The following KNDC1 variants were observed in gnomAD, a reference collection of about 807,000 sequenced individuals.
KNDC1 encodes the protein kinase non-catalytic C-lobe domain containing 1, also known as kinase non-catalytic C-lobe domain-containing protein 1.
Under a neutral mutation model 172.8 loss-of-function variants are expected in KNDC1, and 106 were observed. The observed-to-expected ratio is 0.61, with a 90% CI of 0.52 to 0.72. The LOEUF (loss-of-function observed/expected upper bound fraction) is 0.72. Ranked by LOEUF, KNDC1 falls within the 30% of genes least tolerant of loss-of-function variation. KNDC1 has a pLI of 0.00. For synonymous variants in KNDC1, 1,083 were observed against 1,062.2 expected, an observed-to-expected ratio of 1.02 and a Z score of -0.38; for missense variants, 2,325 against 2,394.5, an observed-to-expected ratio of 0.97 and a Z score of 0.61.
chr10:133,195,695 G>A lies in KNDC1; in HGVS notation c.1608G>A (p.Trp536Ter), dbSNP rs1308491472. The A allele has an allele frequency of 6.2e-7, 1 of 1,612,552 alleles. No homozygotes were observed. The highest frequency in any genetic ancestry group is 8.5e-7 in the Non-Finnish European group (1 of 1,179,662). The change falls in exon 10 of 30, where the codon TGG becomes TGA. Residue 536 changes from tryptophan to a stop codon, truncating the protein, a stop_gained. Coordinates refer to ENST00000304613, the MANE Select transcript of KNDC1 (RefSeq NM_152643.8). LOFTEE classifies it high-confidence loss of function. ...TGTACTGTGTGGCCGCCGTTCTGTG[G>A]ACCGCAGCCAAGTTCAGCGTCCCCC... ...ASVYCVAAVL[W>*]TAAKFSVPRN...
chr10:133,217,493 C>T (rs913809599), intron 26 of KNDC1, among the ~76,000 whole-genome samples: 4 of 152,280 alleles, frequency 2.6e-5, no homozygotes, highest in East Asian at 3.8e-4. Context: ...GAGTCCGAGG[C>T]GGGCAGATCA....
chr10:133,220,807 G>A (rs1845571512), intron 29 of KNDC1, among the ~76,000 whole-genome samples: 1 of 150,020 alleles, frequency 6.7e-6, no homozygotes, highest in Admixed American at 6.6e-5. Context: ...TCAGGCGGGC[G>A]CGCGCCCAGG....
chr10:133,188,508 C>T (rs1373700041), intron 6 of KNDC1, 31 bp from the exon 7 acceptor site: 9 of 1,432,436 alleles, frequency 6.3e-6, no homozygotes, highest in African/African-American at 4.2e-5. Flanking sequence ...AAGGGGTGTC[C>T]ACACTGACCT....
Position 133,209,367 on chromosome 10 carries a change from G to A in KNDC1, c.3795-1244G>A, listed in dbSNP as rs1258586474. ...GTGGGGTATAGTGTGTGCACATGTG[G>A]TGTGAGGTATAGTGTGGCATGTGTG... On this transcript the variant is annotated intron_variant, in intron 20 of 29. Transcript: ENST00000304613. This position sits in a 1 kb window ranked among gnomAD's most constrained non-coding sequence, Gnocchi z 4.9. Among the ~76,000 whole-genome samples the A allele has an allele frequency of 2.0e-5, 3 of 149,826 alleles. No homozygotes were observed. Among genetic ancestry groups the A allele is most frequent in the Non-Finnish European group, 4.4e-5 (3 of 67,764 alleles).
intron 29 of KNDC1, among the ~76,000 whole-genome samples, chr10:133,221,876 C>G: frequency 1.2e-5 from 1 of 84,490 alleles, no homozygotes; most frequent in Non-Finnish European, 2.5e-5. Flanking sequence ...CCTAGGTGGG[C>G]AGGGCTGGGT....
At chr10:133,194,433 C>T (rs1402275911) in intron 9 of KNDC1, among the ~76,000 whole-genome samples, 3 of 145,600 alleles carry the variant, frequency 2.1e-5, no homozygotes, top group Admixed American at 1.4e-4. Context: ...TGGACTATAT[C>T]AGTATCAGTA....
intron 23 of KNDC1, 135 bp downstream of exon 23, chr10:133,211,993 A>G: frequency 1.3e-6 from 1 of 797,300 alleles, no homozygotes; most frequent in South Asian, 1.9e-5. Context: ...ACATGCATAC[A>G]CATAGACGTG....
intron 26 of KNDC1, among the ~76,000 whole-genome samples, chr10:133,215,762 T>C (rs528179087): frequency 6.6e-6 from 1 of 151,940 alleles, no homozygotes; most frequent in African/African-American, 2.4e-5. Flanking sequence ...TGCCTGAGGG[T>C]CTCCGGGATG....
chr10:133,223,680 G>A (rs1442915689), intron 29 of KNDC1, among the ~76,000 whole-genome samples: 4 of 60,716 alleles, frequency 6.6e-5, no homozygotes, highest in Admixed American at 5.7e-4. Context: ...TGCTCTTCCC[G>A]GCATGTGTGT....
rs201644896 is a variant in KNDC1 at position 133,183,345 on chromosome 10, C to T, written c.362C>T (p.Ala121Val). ...EFDVTGNTFE[A>V]HIYSLGATLK... ...GCTGACAGCCTGTCGTGCCCACAGG[C>T]GCACATCTACTCTCTGGGGGCCACG... is the stretch of plus-strand genomic sequence containing the variant. The change falls in exon 4 of 30, where the codon GCG (alanine) becomes GTG (valine). Residue 121 changes from alanine (A) to valine (V), a missense_variant and splice_region_variant. Ala to Val is a moderately conservative substitution (Grantham distance 64). Transcript: ENST00000304613. 4.6e-5 allele frequency: 73 copies of T among 1,591,124 alleles called. No individual in the cohort carries two copies. The highest frequency in any genetic ancestry group is 5.8e-5 in the Non-Finnish European group (68 of 1,169,664).
intron 1 of KNDC1, among the ~76,000 whole-genome samples, chr10:133,165,680 T>C (rs1853128190): frequency 6.6e-6 from 1 of 152,250 alleles, no homozygotes; most frequent in African/African-American, 2.4e-5. Context: ...CGCCTGCGTG[T>C]GCAGGTGCAT....
chr10:133,199,005 C>A lies in KNDC1; in HGVS notation c.2497C>A (p.Arg833=), dbSNP rs1248396874. The A allele has an allele frequency of 2.6e-6, 4 of 1,560,442 alleles. No homozygotes were observed. The highest frequency in any genetic ancestry group is 1.4e-5 in the African/African-American group (1 of 73,570). ...HGPRHPPKPP[R]SKATERPGQE... ...CCCACGCCACCCGCCCAAGCCCCCA[C>A]GAAGCAAGGCCACCGAGCGCCCGGG... The change falls in exon 14 of 30, where the codon CGA becomes AGA. Residue 833 remains arginine, a synonymous_variant. Transcript: ENST00000304613.
In KNDC1 at chr10:133,160,286, C is replaced by A. The variant is rs1375935877; in HGVS notation, c.-182C>A. 7.3e-5 allele frequency among the ~76,000 whole-genome samples: 7 copies of A among 95,546 alleles called. No homozygotes were observed. The highest frequency in any genetic ancestry group is 6.2e-4 in the South Asian group (2 of 3,202). 62.7% of individuals were successfully genotyped at this position (95,546 alleles called of 152,430 possible). A position where few individuals can be genotyped will look rare whatever the true frequency, so the allele number is the denominator to read the frequency against. On this transcript the variant is annotated 5_prime_UTR_variant, in exon 1 of 30. Transcript: ENST00000304613. Reference sequence around the variant, plus strand: ...CGCGCAGCCCCCGCGCACCCCGCGCCCCCCGCGCCCCCCGGGCCCGCCCCG... The same window carrying A: ...CGCGCAGCCCCCGCGCACCCCGCGCACCCCGCGCCCCCCGGGCCCGCCCCG...
chr10:133,175,109 TGTGGATGGATGG>T (rs1187073480), intron 3 of KNDC1, among the ~76,000 whole-genome samples: 6 of 115,676 alleles, frequency 5.2e-5, no homozygotes, highest in Non-Finnish European at 7.2e-5. Context: ...ATGGTGGATA[TGTGGATGGATGG>T]GTGGATGGAT....
At position 133,166,272 on chromosome 10, in the gene KNDC1, A is replaced by G. The variant is rs566525434; in HGVS notation, c.103-1109A>G. 6.6e-5 allele frequency among the ~76,000 whole-genome samples: 10 copies of G among 152,222 alleles called. No individual in the cohort carries two copies. In the South Asian group the frequency reaches 2.1e-3, roughly 32 times the overall value. ...CCTCCTCCTCACGGGCCCCACCCAT[A>G]GTGTCCAGGCTGCAGCCCCCGGCCA... On this transcript the variant is annotated intron_variant, in intron 1 of 29. Transcript: ENST00000304613.
chr10:133,160,427 C>T lies in KNDC1; in HGVS notation c.-41C>T. 1 of 1,375,224 alleles carries T rather than the reference C, an allele frequency of 7.3e-7. No homozygotes were observed. 85.2% of individuals were successfully genotyped at this position (1,375,224 alleles called of 1,614,324 possible). A position where few individuals can be genotyped will look rare whatever the true frequency, so the allele number is the denominator to read the frequency against. On this transcript the variant is annotated 5_prime_UTR_variant, in exon 1 of 30. Transcript: ENST00000304613. ...GCGCGTAGCCGAGCCCAGCCCAGCC[C>T]AGCCGGAGGCCCCGGGGGCGGTGCG...
chr10:133,170,726 A>G (rs1487732781), intron 3 of KNDC1, among the ~76,000 whole-genome samples: 1 of 152,242 alleles, frequency 6.6e-6, no homozygotes, highest in African/African-American at 2.4e-5. Flanking sequence ...GAAGAGTGGC[A>G]TTGGGTTGCA....
At chr10:133,178,249 A>G (rs1853614376) in intron 3 of KNDC1, among the ~76,000 whole-genome samples, 1 of 151,956 alleles carries the variant, frequency 6.6e-6, no homozygotes, top group African/African-American at 2.4e-5. Flanking sequence ...GTTGCATGTC[A>G]CAGGCACACA....
chr10:133,213,522 G>A, intron 24 of KNDC1, 123 bp from the exon 25 acceptor site: 1 of 771,528 alleles, frequency 1.3e-6, no homozygotes, highest in Non-Finnish European at 2.2e-6. Context: ...TGTTAGATGG[G>A]TATTGAACCT....
Sources: allele counts gnomAD v4.1 joint callset (sites outside exome capture counted in the v4.1 genomes callset), GRCh38; gene constraint gnomAD v4.1.1; non-coding constraint Gnocchi (gnomAD v3.1); transcripts MANE v1.5; gene names NCBI Gene and HGNC (gene_info 2026-07-23, HGNC 2026-07-21).